SYBU: variants seen among roughly 807,000 people sequenced by gnomAD.
The protein encoded by SYBU is GOLSYN A protein.
SYBU carries 21 observed loss-of-function variants against 35.9 expected under a neutral mutation model. The ratio of observed to expected loss-of-function variants is 0.58; its 90% confidence interval spans 0.41 to 0.84. The LOEUF is 0.84. Ranked by LOEUF, SYBU falls within the 40% of genes least tolerant of loss-of-function variation. The pLI, the probability that SYBU is intolerant of heterozygous loss-of-function variation, is 0.00. For missense variants in SYBU, 768 were observed against 848.2 expected, an observed-to-expected ratio of 0.91 and a Z score of 1.17; for synonymous variants, 319 against 324.3, an observed-to-expected ratio of 0.98 and a Z score of 0.18.
rs146910019 is a variant in SYBU at position 109,615,746 on chromosome 8, T to C, written c.427+3096A>G. Reference sequence around the variant, plus strand: ...TGACAAAGTTAACAAAAGCGGTTGTTTGAGGCTTTGGCTTTGGGGAAGGGT... The same window carrying C: ...TGACAAAGTTAACAAAAGCGGTTGTCTGAGGCTTTGGCTTTGGGGAAGGGT... On this transcript the variant is annotated intron_variant, in intron 3 of 6. Transcript: ENST00000276646. Among the ~76,000 whole-genome samples the C allele has an allele frequency of 4.2e-3, 644 of 152,218 alleles. 5 individuals carry two copies. The highest frequency in any genetic ancestry group is 0.014 in the African/African-American group (587 of 41,558).
chr8:109,661,201 G>C (rs939100347), intron 1 of SYBU, among the ~76,000 whole-genome samples: 1 of 152,230 alleles, frequency 6.6e-6, no homozygotes, highest in Admixed American at 6.5e-5. Flanking sequence ...GAGCATGAGA[G>C]AGTGCCTTCT....
At chr8:109,636,552 C>T (rs6469274) in intron 2 of SYBU, among the ~76,000 whole-genome samples, 29,332 of 151,958 alleles carry the variant, frequency 0.19, 3,352 homozygotes, top group East Asian at 0.4. Flanking sequence ...CATGTTTTGG[C>T]GAAGGCTTGC....
intron 3 of SYBU, among the ~76,000 whole-genome samples, chr8:109,595,298 T>C (rs1280535133): frequency 1.3e-5 from 2 of 152,146 alleles, no homozygotes; most frequent in Non-Finnish European, 2.9e-5. Flanking sequence ...AAAATTCTTC[T>C]TTTAGATTAT....
chr8:109,613,011 GA>G (rs71305961), intron 3 of SYBU, among the ~76,000 whole-genome samples: 13 of 139,394 alleles, frequency 9.3e-5, no homozygotes, highest in East Asian at 2.1e-4. Context: ...AAGAAGAAAA[GA>G]AAAAAAAAAG....
intron 1 of SYBU, among the ~76,000 whole-genome samples, chr8:109,656,110 C>T (rs1175439231): frequency 5.7e-5 from 7 of 123,806 alleles, no homozygotes; most frequent in Non-Finnish European, 1.6e-5. Flanking sequence ...AGCGAGACTC[C>T]GTCTCAAAAA....
intron 3 of SYBU, among the ~76,000 whole-genome samples, chr8:109,618,357 T>C (rs151195722): frequency 8.5e-5 from 13 of 152,324 alleles, no homozygotes; most frequent in African/African-American, 2.4e-4. Context: ...ATACATATCA[T>C]ATTCATATTT....
intron 1 of SYBU, among the ~76,000 whole-genome samples, chr8:109,658,992 A>G (rs1410129020): frequency 6.6e-6 from 1 of 151,978 alleles, no homozygotes; most frequent in Non-Finnish European, 1.5e-5. Flanking sequence ...AACAAAAAAA[A>G]CCTTCTGCAT....
intron 1 of SYBU, among the ~76,000 whole-genome samples, chr8:109,675,289 C>A (rs1270223181): frequency 3.3e-5 from 5 of 152,166 alleles, no homozygotes; most frequent in Non-Finnish European, 5.9e-5. Context: ...TAACTAAGAT[C>A]AGAGCAGAAC....
At chr8:109,684,573 CTTG>C (rs1247477597), upstream of SYBU, among the ~76,000 whole-genome samples, 1 of 152,098 alleles carries the variant, frequency 6.6e-6, no homozygotes, top group Non-Finnish European at 1.5e-5. Flanking sequence ...TGATATTGGT[CTTG>C]TTGGAAACTG....
At chr8:109,633,749 T>A (rs976978392) in intron 2 of SYBU, among the ~76,000 whole-genome samples, 6 of 152,130 alleles carry the variant, frequency 3.9e-5, no homozygotes, top group East Asian at 3.8e-4. Context: ...TATTATTATT[T>A]TTGAGACAAA....
intron 2 of SYBU, among the ~76,000 whole-genome samples, chr8:109,622,665 A>T (rs185559825): frequency 6.6e-6 from 1 of 152,360 alleles, no homozygotes; most frequent in Non-Finnish European, 1.5e-5. Context: ...AACCTGCTTC[A>T]GTTAAACTAT....
chr8:109,682,780 G>A (rs1407701412), upstream of SYBU, among the ~76,000 whole-genome samples: 3 of 152,142 alleles, frequency 2.0e-5, no homozygotes, highest in Non-Finnish European at 4.4e-5. Context: ...CAGACCCAGA[G>A]GCCTAGTAGG....
intron 2 of SYBU, among the ~76,000 whole-genome samples, chr8:109,641,036 A>G (rs1162594705): frequency 6.6e-6 from 1 of 152,192 alleles, no homozygotes; most frequent in Non-Finnish European, 1.5e-5. Flanking sequence ...CTTCTCATAC[A>G]TGTGTTAATC....
chr8:109,634,896 C>T (rs964547048), intron 2 of SYBU, among the ~76,000 whole-genome samples: 1 of 152,128 alleles, frequency 6.6e-6, no homozygotes, highest in African/African-American at 2.4e-5. Context: ...CTTGTTAATA[C>T]TTCTGCACTA....
At chr8:109,665,062 C>T (rs1326873352) in intron 1 of SYBU, among the ~76,000 whole-genome samples, 1 of 152,064 alleles carries the variant, frequency 6.6e-6, no homozygotes, top group African/African-American at 2.4e-5. Context: ...TGCTGTCCAA[C>T]AGAAATGTAA....
chr8:109,608,010 G>C, intron 3 of SYBU: 12 of 1,509,894 alleles, frequency 7.9e-6, no homozygotes, highest in Non-Finnish European at 1.1e-5. Flanking sequence ...TACAGTGTGT[G>C]CAGCTCATAT....
intron 6 of SYBU, among the ~76,000 whole-genome samples, chr8:109,576,287 G>C (rs1280578108): frequency 6.6e-6 from 1 of 152,118 alleles, no homozygotes; most frequent in East Asian, 1.9e-4. Context: ...CTTGTAAAAT[G>C]GCTAAAGTAA....
In SYBU at chr8:109,575,484, G is replaced by A. The variant is rs913467436; in HGVS notation, c.1414C>T (p.Pro472Ser). 1 of 1,614,130 alleles carries A rather than the reference G, an allele frequency of 6.2e-7. No homozygotes were observed. The change falls in exon 7 of 7, where the codon CCC becomes TCC. Residue 472 changes from proline (P) to serine (S), a missense_variant. Coordinates refer to ENST00000276646, the MANE Select transcript of SYBU (RefSeq NM_001099754.2). The stretch of plus-strand genomic sequence containing the variant: ...CCCTCCTCCTGACCCATGACTATGG[G>A]CAGCAGCTCCAGGACGTTAGCCCCA... ...TPGANVLELL[P>S]IVMGQEEGSV...
chr8:109,608,345 GC>G (rs1293844494), intron 3 of SYBU, among the ~76,000 whole-genome samples: 1 of 152,190 alleles, frequency 6.6e-6, no homozygotes, highest in Non-Finnish European at 1.5e-5. Flanking sequence ...ATCCCAATGG[GC>G]AAGCAAGAAA....
Sources: allele counts gnomAD v4.1 joint callset (sites outside exome capture counted in the v4.1 genomes callset), GRCh38; gene constraint gnomAD v4.1.1; transcripts MANE v1.5; gene names NCBI Gene and HGNC (gene_info 2026-07-23, HGNC 2026-07-21).